Variants in CCDC157 observed in about 807,000 individuals in gnomAD.
CCDC157 encodes coiled-coil domain-containing protein 157.
In CCDC157, 60 loss-of-function variants were observed where a neutral mutation model predicts 70.9. The ratio of observed to expected loss-of-function variants is 0.85; its 90% CI spans 0.69 to 1.05. The LOEUF (loss-of-function observed/expected upper bound fraction) is 1.05. Among genes scored for constraint, CCDC157 ranks in the 50% least tolerant of loss-of-function variants. The pLI is 0.00. For synonymous variants in CCDC157, 373 were observed against 422.4 expected (o/e 0.88, Z 1.43); for missense variants, 943 against 984.2 (o/e 0.96, Z 0.56).
At chr22:30,367,605 C>T (rs1016634540) in intron 3 of CCDC157, among the ~76,000 whole-genome samples, 1 of 151,602 alleles carries the variant, frequency 6.6e-6, no homozygotes, top group Non-Finnish European at 1.5e-5. Context: ...CCCTGGAGGT[C>T]GAGGCTACAG....
In CCDC157 at chr22:30,369,579, G is replaced by A. The variant is rs373695491; in HGVS notation, c.396G>A (p.Thr132=). ...GGGACAGCCTGCTGAGGCTGGGCAC[G>A]CTCCACCAGCAGCCACTCCCCCAGG... The part of the protein sequence containing the change: ...RFWDSLLRLG[T]LHQQPLPQKG... The change falls in exon 4 of 12, where the codon ACG becomes ACA. Residue 132 remains threonine (T), a synonymous_variant. Transcript: ENST00000338306. 53 of 1,575,446 alleles carry A rather than the reference G, an allele frequency of 3.4e-5. 1 individual carries two copies. The African/African-American group carries it at 4.5e-4, about 13-fold the overall frequency.
rs10611353 is a variant in CCDC157, at chr22:30,374,954, C to CT, written c.1673-502dup. 1,174 of 239,904 alleles carry CT rather than the reference C, an allele frequency of 4.9e-3. 5 individuals are homozygous for CT. The highest frequency in any genetic ancestry group is 6.6e-3 in the Non-Finnish European group (884 of 133,268). 14.9% of individuals were successfully genotyped at this position (239,904 alleles called of 1,614,324 possible). A position where few individuals can be genotyped will look rare whatever the true frequency, so the allele number is the denominator to read the frequency against. ...CTCCTCTCATGCTTATTTGCTAAGT[C>CT]TTTTTTTTTTTTTTTTTTTTTTTGA... On this transcript the variant is annotated intron_variant, in intron 9 of 11. Transcript: ENST00000338306.
intron 2 of CCDC157, among the ~76,000 whole-genome samples, chr22:30,364,295 G>GC (rs150989952): frequency 0.031 from 4,737 of 152,112 alleles, 256 homozygotes; most frequent in African/African-American, 0.11. Flanking sequence ...CTGTGAGGGT[G>GC]CCACTGCACT....
intron 3 of CCDC157, chr22:30,369,152 T>A (rs1481408113): frequency 3.4e-6 from 1 of 295,130 alleles, no homozygotes; most frequent in East Asian, 5.5e-5. Flanking sequence ...AGGCCAGGCC[T>A]GGCTTCACAG....
Position 30,376,831 on chromosome 22 carries a change from CTT to C in CCDC157, c.*88_*89del. The C allele has an allele frequency of 1.5e-6, 2 of 1,338,152 alleles. No individual in the cohort carries two copies. The highest frequency in any genetic ancestry group is 2.7e-5 in the South Asian group (2 of 74,216). 82.9% of individuals were successfully genotyped at this position (1,338,152 alleles called of 1,614,324 possible). On this transcript the variant is annotated 3_prime_UTR_variant, in exon 12 of 12. Coordinates refer to ENST00000338306, the MANE Select transcript of CCDC157 (RefSeq NM_001017437.5). The stretch of plus-strand genomic sequence containing the variant: ...GCCCCAGCCATTGGCCCACAGCAAT[CTT>C]TGCCTCACAGTATGACTGAGCCAAG...
intron 7 of CCDC157, chr22:30,372,488 C>T (rs1282047759): frequency 3.1e-6 from 2 of 649,318 alleles, no homozygotes; most frequent in East Asian, 6.2e-5. Context: ...ACTGATACTG[C>T]CCAGTGAGGC....
intron 5 of CCDC157, 149 bp from the exon 6 acceptor site, chr22:30,371,501 C>T (rs1932938524): frequency 4.6e-6 from 3 of 652,578 alleles, no homozygotes; most frequent in Non-Finnish European, 8.1e-6. Flanking sequence ...CCAGCCGCTT[C>T]CACCAGCCTC....
chr22:30,358,299 G>A (rs1331059515), intron 1 of CCDC157, among the ~76,000 whole-genome samples: 4 of 152,152 alleles, frequency 2.6e-5, no homozygotes, highest in South Asian at 2.1e-4. Flanking sequence ...ACTATGAGCC[G>A]GATACTGTGC....
rs924087448 is a variant in CCDC157 at position 30,370,451 on chromosome 22, G to C, written c.546G>C (p.Gln182His). 2 of 1,613,980 alleles carry C rather than the reference G, an allele frequency of 1.2e-6. No homozygotes were observed. Among genetic ancestry groups the C allele is most frequent in the African/African-American group, 2.7e-5 (2 of 74,922 alleles). Residue 182 changes from glutamine (Q) to histidine (H), a missense_variant, in exon 5 of 12, where the codon CAG becomes CAC. Physicochemically the swap from Gln to His is conservative, Grantham distance 24. Coordinates refer to ENST00000338306, the MANE Select transcript of CCDC157 (RefSeq NM_001017437.5). ...CCTCCCCAGTGCTAGGCTTGCCCCA[G>C]ACCTGCCAAGAGCCAGAGAGCATCC... ...KPSSPVLGLP[Q>H]TCQEPESIPV...
upstream of CCDC157, chr22:30,356,896 GC>G (rs1454467058): frequency 3.8e-6 from 4 of 1,052,590 alleles, no homozygotes; most frequent in Admixed American, 1.3e-4. Flanking sequence ...CAAGATGGCG[GC>G]GGCCGAGCGA....
At chr22:30,374,769 G>A (rs748107170) in intron 9 of CCDC157, 68 of 455,642 alleles carry the variant, frequency 1.5e-4, no homozygotes, top group Admixed American at 8.5e-4. Flanking sequence ...CAATTCTCCC[G>A]GGCTCCTGGA....
chr22:30,356,887 A>G, upstream of CCDC157: 2 of 1,102,528 alleles, frequency 1.8e-6, no homozygotes, highest in Non-Finnish European at 2.3e-6. Flanking sequence ...ACGAGCTCGC[A>G]AGATGGCGGC....
At chr22:30,368,275 T>G (rs1319280694) in intron 3 of CCDC157, among the ~76,000 whole-genome samples, 1 of 152,210 alleles carries the variant, frequency 6.6e-6, no homozygotes, top group Non-Finnish European at 1.5e-5. Flanking sequence ...TCCGTAACTT[T>G]ATGCATTACA....
chr22:30,373,382 C>G (rs1026577489), intron 7 of CCDC157: 16 of 575,402 alleles, frequency 2.8e-5, no homozygotes, highest in Admixed American at 1.6e-4. Flanking sequence ...AAGCTGGGAT[C>G]CTGGCCTTGA....
chr22:30,364,384 T>C (rs1932574474), intron 2 of CCDC157, among the ~76,000 whole-genome samples: 1 of 152,064 alleles, frequency 6.6e-6, no homozygotes, highest in Non-Finnish European at 1.5e-5. Flanking sequence ...AAATTTAAGG[T>C]GATGGATATT....
intron 1 of CCDC157, among the ~76,000 whole-genome samples, 177 bp from the exon 2 acceptor site, chr22:30,361,784 A>G (rs1932367583): frequency 1.3e-5 from 2 of 152,336 alleles, no homozygotes; most frequent in Non-Finnish European, 2.9e-5. Context: ...AGTCGAAGCC[A>G]GCACTATTGA....
Position 30,377,711 on chromosome 22 carries a change from T to G in CCDC157, c.*966T>G. 1.1e-5 allele frequency: 2 copies of G among 179,500 alleles called. No individual in the cohort carries two copies. Among genetic ancestry groups the G allele is most frequent in the South Asian group, 1.2e-4 (1 of 8,682 alleles). The allele number at this position is 179,500 out of a possible 1,614,324, so 11.1% of individuals were successfully genotyped here. ...TTCCTGCTTCTGAGGGGCCTGGGAG[T>G]TCCTGAGGGAGGCTGGGGTGCCCCG... On this transcript the variant is annotated 3_prime_UTR_variant, in exon 12 of 12. Coordinates refer to ENST00000338306, the MANE Select transcript of CCDC157 (RefSeq NM_001017437.5).
At chr22:30,373,414 C>T (rs1933086086) in intron 7 of CCDC157, 183 bp from the exon 8 acceptor site, 2 of 641,614 alleles carry the variant, frequency 3.1e-6, no homozygotes, top group African/African-American at 1.8e-5. Context: ...GTGCATCTGC[C>T]TGCTGCCAGC....
intron 2 of CCDC157, among the ~76,000 whole-genome samples, chr22:30,362,506 ACAGGG>A (rs1932418227): frequency 6.6e-6 from 1 of 152,206 alleles, no homozygotes. Context: ...GGCAGGCCAC[ACAGGG>A]CAGGAGCCCC....
Sources: allele counts gnomAD v4.1 joint callset (sites outside exome capture counted in the v4.1 genomes callset), GRCh38; gene constraint gnomAD v4.1.1; transcripts MANE v1.5; gene names NCBI Gene and HGNC (gene_info 2026-07-23, HGNC 2026-07-21).